The following GK variants were observed in gnomAD, a reference collection of about 807,000 sequenced individuals.
GK encodes the protein glycerol kinase, also known as ATP:glycerol 3-phosphotransferase.
In GK, 9 loss-of-function variants were observed where a neutral mutation model predicts 56.4. The observed-to-expected ratio is 0.16, with a 90% confidence interval of 0.10 to 0.28. GK has a LOEUF of 0.28. GK is among the 10% of genes least tolerant of loss of function. The pLI, the probability that GK is intolerant of heterozygous loss-of-function variation, is 1.00. For synonymous variants in GK, 104 were observed against 144.1 expected, an observed-to-expected ratio of 0.72 and a Z score of 1.99; for missense variants, 161 against 431.4, an observed-to-expected ratio of 0.37 and a Z score of 5.55.
At chrX:30,663,675 T>C (rs1380831671) in intron 1 of GK, among the ~76,000 whole-genome samples, 10 of 110,199 alleles carry the variant, frequency 9.1e-5, no homozygotes, top group Non-Finnish European at 1.1e-4. Context: ...GGGGCGTGTG[T>C]GATATAGAAG....
At chrX:30,714,713 G>A (rs1696551422) in intron 13 of GK, among the ~76,000 whole-genome samples, 2 of 112,038 alleles carry the variant, frequency 1.8e-5, no homozygotes, top group South Asian at 3.7e-4. Flanking sequence ...CTCAAGAGGC[G>A]AGGATTATGC....
intron 20 of GK, 86 bp downstream of exon 20, chrX:30,727,638 C>A (rs1292786381): frequency 3.3e-6 from 2 of 604,966 alleles, no homozygotes; most frequent in Admixed American, 2.7e-5. Context: ...CAGTGTTTTT[C>A]ATTCTTTCTG....
Position 30,730,356 on chromosome X carries a change from C to T in GK, c.*1614C>T, listed in dbSNP as rs1937301960. The T allele has an allele frequency of 9.0e-6, 1 of 111,227 alleles. No homozygotes were observed. Among genetic ancestry groups the T allele is most frequent in the Admixed American group, 9.6e-5 (1 of 10,386 alleles). The allele number at this position is 111,227 out of a possible 1,213,427, so 9.2% of individuals were successfully genotyped here. On this transcript the variant is annotated 3_prime_UTR_variant, in exon 21 of 21. Transcript: ENST00000427190. ...ATCTGCTAGGTTTTATTGATGCAGC[C>T]ACCACTTAAGTGACATAAATATTAT... is the stretch of plus-strand genomic sequence containing the variant.
intron 9 of GK, among the ~76,000 whole-genome samples, chrX:30,699,194 T>TTA (rs1693396831): frequency 1.0e-5 from 1 of 98,370 alleles, no homozygotes; most frequent in African/African-American, 3.7e-5. Flanking sequence ...TATATATGTT[T>TTA]TATATATATG....
At chrX:30,680,927 A>G (rs1251247680) in intron 4 of GK, among the ~76,000 whole-genome samples, 1 of 111,993 alleles carries the variant, frequency 8.9e-6, no homozygotes, top group Non-Finnish European at 1.9e-5. Context: ...GCCCAGATTC[A>G]AATGATCTTT....
chrX:30,665,137 C>T (rs905097185), intron 1 of GK, among the ~76,000 whole-genome samples: 1 of 111,870 alleles, frequency 8.9e-6, no homozygotes, highest in Non-Finnish European at 1.9e-5. Flanking sequence ...GGAGTGGAAA[C>T]TTACACCATT....
chrX:30,702,111 C>T (rs1330734278), intron 11 of GK, among the ~76,000 whole-genome samples: 3 of 109,206 alleles, frequency 2.7e-5, no homozygotes, highest in African/African-American at 1.0e-4. Context: ...GGCGCGATCT[C>T]GGCTCACTGC....
chrX:30,664,816 G>T (rs1932968214), intron 1 of GK, among the ~76,000 whole-genome samples: 1 of 100,261 alleles, frequency 1.0e-5, no homozygotes, highest in Non-Finnish European at 2.0e-5. Flanking sequence ...GGATTCTCCT[G>T]TCTCAGCCTC....
chrX:30,697,675 C>A lies in GK; in HGVS notation c.730-57C>A, dbSNP rs746172854. 3 of 854,419 alleles carry A rather than the reference C, an allele frequency of 3.5e-6. No homozygotes were observed. The East Asian group carries it at 9.4e-5, about 27-fold the overall frequency. 70.4% of individuals were successfully genotyped at this position (854,419 alleles called of 1,213,427 possible). A position where few individuals can be genotyped will look rare whatever the true frequency, so the allele number is the denominator to read the frequency against. On this transcript the variant is annotated intron_variant, in intron 8 of 20. Coordinates refer to ENST00000427190, the MANE Select transcript of GK (RefSeq NM_001205019.2). ...AAAAACGTGGAACTGGCCTAGTTTT[C>A]TCTTGTATTTAAAATATTATGCTTC...
At chrX:30,700,745 T>C (rs938282221) in intron 10 of GK, 93 bp from the exon 11 acceptor site, 15 of 572,592 alleles carry the variant, frequency 2.6e-5, no homozygotes, top group Non-Finnish European at 3.9e-5. Flanking sequence ...CATTCTTTGA[T>C]AAATAAAAAA....
At chrX:30,714,950 T>C (rs1936534746) in intron 13 of GK, among the ~76,000 whole-genome samples, 1 of 112,425 alleles carries the variant, frequency 8.9e-6, no homozygotes, top group African/African-American at 3.2e-5. Context: ...AACTCTTCCC[T>C]TTCTCTATGC....
intron 1 of GK, among the ~76,000 whole-genome samples, chrX:30,665,208 A>G (rs1282085096): frequency 8.9e-6 from 1 of 112,043 alleles, no homozygotes; most frequent in Non-Finnish European, 1.9e-5. Context: ...TGTAAAATAA[A>G]TCCATATTAT....
chrX:30,665,441 T>A, intron 1 of GK, 70 bp from the exon 2 acceptor site: 1 of 643,307 alleles, frequency 1.6e-6, no homozygotes, highest in East Asian at 3.3e-5. Context: ...GAACTTCAGT[T>A]ACTGAATAAC....
chrX:30,699,304 A>AAAAG, intron 9 of GK, among the ~76,000 whole-genome samples: 2 of 62,536 alleles, frequency 3.2e-5, no homozygotes, highest in Non-Finnish European at 6.1e-5. Context: ...CATAACATGT[A>AAAAG]TATATATAAC....
At chrX:30,718,125 C>T (rs969380325) in intron 13 of GK, among the ~76,000 whole-genome samples, 5 of 111,924 alleles carry the variant, frequency 4.5e-5, no homozygotes, top group African/African-American at 1.3e-4. Context: ...TCTTGATTTA[C>T]TATACTGTTA....
chrX:30,697,700 C>G, intron 8 of GK, 32 bp from the exon 9 acceptor site: 2 of 1,073,523 alleles, frequency 1.9e-6, no homozygotes, highest in Non-Finnish European at 2.6e-6. Flanking sequence ...TATTATGCTT[C>G]TATCCTTCTC....
At chrX:30,696,724 C>CA (rs762637473) in intron 8 of GK, 41 bp downstream of exon 8, 30 of 972,182 alleles carry the variant, frequency 3.1e-5, no homozygotes, top group Non-Finnish European at 3.4e-5. Flanking sequence ...ACCAAAAAAC[C>CA]AAAAAACAAA....
At chrX:30,675,526 T>A (rs1933829991) in intron 3 of GK, among the ~76,000 whole-genome samples, 1 of 105,428 alleles carries the variant, frequency 9.5e-6, no homozygotes, top group South Asian at 4.3e-4. Flanking sequence ...CTTCTTTTTT[T>A]TTTTTTTTTT....
rs768642308 is a variant in GK at position 30,700,816 on chromosome X, T to C, written c.784-22T>C. 7.6e-6 allele frequency: 8 copies of C among 1,051,425 alleles called. No homozygotes were observed. The Admixed American group carries it at 1.3e-4, about 17-fold the overall frequency. The allele number at this position is 1,051,425 out of a possible 1,213,427, so 86.6% of individuals were successfully genotyped here. A position where few individuals can be genotyped will look rare whatever the true frequency, so the allele number is the denominator to read the frequency against. The stretch of plus-strand genomic sequence containing the variant: ...ATACTATTGTATTAGTCAGTGTTCT[T>C]TATTGTCATTTATACTTTCAGTGTT... On this transcript the variant is annotated intron_variant, in intron 10 of 20. Coordinates refer to ENST00000427190, the MANE Select transcript of GK (RefSeq NM_001205019.2).
Sources: allele counts gnomAD v4.1 joint callset (sites outside exome capture counted in the v4.1 genomes callset), GRCh38; gene constraint gnomAD v4.1.1; transcripts MANE v1.5; gene names NCBI Gene and HGNC (gene_info 2026-07-23, HGNC 2026-07-21).